The following KLHL7 variants were observed in gnomAD, a reference collection of about 807,000 sequenced individuals.
The protein encoded by KLHL7 is kelch like family member 7.
KLHL7 carries 44 observed loss-of-function variants against 67.4 expected under a neutral mutation model. The ratio of observed to expected loss-of-function variants is 0.65; its 90% CI spans 0.51 to 0.84. KLHL7 has a LOEUF of 0.84. Among genes scored for constraint, KLHL7 ranks in the 40% least tolerant of loss-of-function variants. The pLI, the probability that KLHL7 is intolerant of heterozygous loss-of-function variation, is 0.00. For synonymous variants in KLHL7, 252 were observed against 243.3 expected (o/e 1.04, Z -0.33); for missense variants, 362 against 718.1 (o/e 0.50, Z 5.67).
chr7:23,155,231 A>G (rs1004736544), intron 7 of KLHL7, among the ~76,000 whole-genome samples: 8 of 152,176 alleles, frequency 5.3e-5, no homozygotes, highest in East Asian at 1.9e-4. Context: ...GTGCTATCCA[A>G]TAAGCACAGT....
At chr7:23,140,694 CAT>C (rs771138291) in intron 4 of KLHL7, 73 bp from the exon 5 acceptor site, 9 of 1,234,970 alleles carry the variant, frequency 7.3e-6, no homozygotes, top group Non-Finnish European at 1.1e-5. Flanking sequence ...TTCCTGAAGT[CAT>C]GCTTCATCTT....
In KLHL7 at chr7:23,170,782, T is replaced by A. The variant is rs565606869; in HGVS notation, c.1380-2166T>A. 3.5e-4 allele frequency among the ~76,000 whole-genome samples: 53 copies of A among 152,250 alleles called. 1 individual carries two copies. The highest frequency in any genetic ancestry group is 5.9e-4 in the Admixed American group (9 of 15,292). On this transcript the variant is annotated intron_variant, in intron 9 of 10. Coordinates refer to ENST00000339077, the MANE Select transcript of KLHL7 (RefSeq NM_001031710.3). Reference sequence around the variant, plus strand: ...GTACATGTATTATGTATCACATTTTTAAAATCAGTTTTAAAAAAGATGGAG... The same window carrying A: ...GTACATGTATTATGTATCACATTTTAAAAATCAGTTTTAAAAAAGATGGAG...
chr7:23,146,353 T>A (rs1310581261), intron 6 of KLHL7, among the ~76,000 whole-genome samples: 2 of 152,198 alleles, frequency 1.3e-5, no homozygotes, highest in Non-Finnish European at 2.9e-5. Context: ...TAACAGACAC[T>A]CCATCTGCCA....
At chr7:23,160,825 C>A (rs988941364) in intron 7 of KLHL7, among the ~76,000 whole-genome samples, 2 of 152,068 alleles carry the variant, frequency 1.3e-5, no homozygotes, top group Admixed American at 1.3e-4. Flanking sequence ...ATGTATACAT[C>A]CTATGGAATT....
At chr7:23,140,555 T>C in intron 4 of KLHL7, 3 of 578,396 alleles carry the variant, frequency 5.2e-6, no homozygotes, top group South Asian at 5.1e-5. Context: ...AGACTCCGTC[T>C]CAAAAAACAA....
At position 23,141,009 on chromosome 7, in the gene KLHL7, T is replaced by A. The variant is rs185100911; in HGVS notation, c.618+65T>A. On this transcript the variant is annotated intron_variant, in intron 5 of 10. Coordinates refer to ENST00000339077, the MANE Select transcript of KLHL7 (RefSeq NM_001031710.3). ...GTCTTTATTGGTTTCTTAAAACTCA[T>A]GTTTGGACACATGACAAGGGAAAGA... 3.1e-5 allele frequency: 40 copies of A among 1,291,890 alleles called. No homozygotes were observed. The East Asian group carries it at 8.8e-4, about 28-fold the overall frequency. 80.0% of individuals were successfully genotyped at this position (1,291,890 alleles called of 1,614,324 possible). A position where few individuals can be genotyped will look rare whatever the true frequency, so the allele number is the denominator to read the frequency against.
chr7:23,152,259 A>C, intron 7 of KLHL7, 50 bp downstream of exon 7: 1 of 1,531,120 alleles, frequency 6.5e-7, no homozygotes, highest in Non-Finnish European at 9.0e-7. Flanking sequence ...AAATCACTGA[A>C]CACATAAGAC....
intron 5 of KLHL7, among the ~76,000 whole-genome samples, chr7:23,142,969 C>T (rs977117126): frequency 2.0e-5 from 3 of 152,144 alleles, no homozygotes; most frequent in Admixed American, 6.5e-5. Context: ...ACTAATGCAA[C>T]ACCTTAACAA....
At chr7:23,154,187 C>G (rs1262843658) in intron 7 of KLHL7, among the ~76,000 whole-genome samples, 1 of 152,112 alleles carries the variant, frequency 6.6e-6, no homozygotes, top group Admixed American at 6.5e-5. Context: ...AACTCCGTCT[C>G]TACTAAAAAT....
Position 23,119,349 on chromosome 7 carries a change from C to T in KLHL7, c.121-4428C>T, listed in dbSNP as rs144731368. Among the ~76,000 whole-genome samples the T allele has an allele frequency of 3.6e-3, 548 of 152,130 alleles. 1 individual carries two copies. The highest frequency in any genetic ancestry group is 5.7e-3 in the Non-Finnish European group (387 of 67,998). ...CCTCCTGAGTAGCTGGGATTACAGGCGTGCGCCACCACGTCCAGCTAATTT... is the reference window on the plus strand; with the variant it reads ...CCTCCTGAGTAGCTGGGATTACAGGTGTGCGCCACCACGTCCAGCTAATTT... On this transcript the variant is annotated intron_variant, in intron 1 of 10. Transcript: ENST00000339077.
At chr7:23,111,256 T>C (rs979765477) in intron 1 of KLHL7, among the ~76,000 whole-genome samples, 3 of 152,098 alleles carry the variant, frequency 2.0e-5, no homozygotes, top group African/African-American at 7.2e-5. Flanking sequence ...GTGACTCAAG[T>C]AGAGGGAACA....
In KLHL7 at chr7:23,109,324, A is replaced by G. The variant is rs973258549; in HGVS notation, c.120+3178A>G. ...TTGCTTAGATTAATGTTATTACCTG[A>G]TATGTAAAATAGAGGCTTTACAAGG... On this transcript the variant is annotated intron_variant, in intron 1 of 10. Transcript: ENST00000339077. Among the ~76,000 whole-genome samples the G allele has an allele frequency of 5.3e-5, 8 of 152,196 alleles. 1 individual carries two copies. Among genetic ancestry groups the G allele is most frequent in the Admixed American group, 3.9e-4 (6 of 15,280 alleles).
At chr7:23,146,594 T>G (rs1252142713) in intron 6 of KLHL7, among the ~76,000 whole-genome samples, 2 of 152,178 alleles carry the variant, frequency 1.3e-5, no homozygotes, top group Non-Finnish European at 2.9e-5. Context: ...CCAAGGAGAT[T>G]TTTAAAAATT....
chr7:23,116,788 A>G (rs1783108001), intron 1 of KLHL7, among the ~76,000 whole-genome samples: 1 of 152,140 alleles, frequency 6.6e-6, no homozygotes, highest in Non-Finnish European at 1.5e-5. Flanking sequence ...TATTTGACTT[A>G]CTTTAATGTG....
At chr7:23,154,330 G>A (rs936251327) in intron 7 of KLHL7, among the ~76,000 whole-genome samples, 4 of 151,040 alleles carry the variant, frequency 2.6e-5, no homozygotes, top group African/African-American at 9.7e-5. Context: ...ACTCCAGCCT[G>A]GGCAACAGAG....
chr7:23,135,455 T>A (rs1375960402), intron 4 of KLHL7, among the ~76,000 whole-genome samples: 1 of 152,220 alleles, frequency 6.6e-6, no homozygotes, highest in Non-Finnish European at 1.5e-5. Context: ...CCATTTGGTC[T>A]ATAGTGCAGA....
chr7:23,135,316 T>C (rs1783938930), intron 4 of KLHL7, among the ~76,000 whole-genome samples: 1 of 152,240 alleles, frequency 6.6e-6, no homozygotes, highest in Admixed American at 6.5e-5. Context: ...GTTAAGTTTT[T>C]TTTAAATGTT....
chr7:23,146,258 A>G (rs1236885079), intron 6 of KLHL7, among the ~76,000 whole-genome samples: 1 of 152,200 alleles, frequency 6.6e-6, no homozygotes, highest in Non-Finnish European at 1.5e-5. Context: ...GGTACTTAGT[A>G]TCTCCAATTA....
intron 1 of KLHL7, 108 bp downstream of exon 1, chr7:23,106,254 C>G (rs1041707525): frequency 1.3e-6 from 2 of 1,540,606 alleles, no homozygotes; most frequent in Admixed American, 4.0e-5. Context: ...CCCTCTTTCT[C>G]TGTCCTCGCC....
Sources: allele counts gnomAD v4.1 joint callset (sites outside exome capture counted in the v4.1 genomes callset), GRCh38; gene constraint gnomAD v4.1.1; transcripts MANE v1.5; gene names NCBI Gene and HGNC (gene_info 2026-07-23, HGNC 2026-07-21).